NAALADL2: variants seen among roughly 807,000 people sequenced by gnomAD.
The protein encoded by NAALADL2 is inactive N-acetylated-alpha-linked acidic dipeptidase-like protein 2.
A neutral mutation model predicts 87.2 loss-of-function variants in NAALADL2; 76 were observed. That is an observed-to-expected ratio of 0.87 (90% CI 0.72 to 1.05). The LOEUF (loss-of-function observed/expected upper bound fraction) is 1.05, where lower values mean the gene tolerates loss of function less well. Ranked by LOEUF, NAALADL2 falls within the 50% of genes least tolerant of loss-of-function variation. NAALADL2 has a pLI of 0.00. For missense variants in NAALADL2, 1,089 were observed against 945.8 expected, an observed-to-expected ratio of 1.15 and a Z score of -1.99; for synonymous variants, 354 against 331.0, an observed-to-expected ratio of 1.07 and a Z score of -0.75.
chr3:174,753,240 A>AT (rs964195731), intron 3 of NAALADL2, among the ~76,000 whole-genome samples: 5 of 151,876 alleles, frequency 3.3e-5, no homozygotes, highest in African/African-American at 9.7e-5. Context: ...TGCCTGGCTA[A>AT]TTTTTTTGTA....
At chr3:174,843,587 C>T (rs1420166073) in intron 3 of NAALADL2, among the ~76,000 whole-genome samples, 1 of 152,100 alleles carries the variant, frequency 6.6e-6, no homozygotes, top group Non-Finnish European at 1.5e-5. Flanking sequence ...TATGGTAATT[C>T]TATTTTTAAT....
intron 11 of NAALADL2, among the ~76,000 whole-genome samples, chr3:175,692,856 T>C (rs557186502): frequency 6.2e-4 from 94 of 152,290 alleles, no homozygotes; most frequent in Middle Eastern, 3.4e-3. Flanking sequence ...AGTTTATTTT[T>C]GGAGAGGGGT....
At chr3:175,073,066 A>G (rs114140417) in intron 1 of NAALADL2, among the ~76,000 whole-genome samples, 2,140 of 152,102 alleles carry the variant, frequency 0.014, 49 homozygotes, top group African/African-American at 0.049. Context: ...TACTGTTTAG[A>G]GTGTGCCAGC....
intron 2 of NAALADL2, among the ~76,000 whole-genome samples, chr3:174,703,224 C>T (rs1050222512): frequency 2.0e-5 from 3 of 151,254 alleles, no homozygotes; most frequent in Non-Finnish European, 2.9e-5. Context: ...ATTGTAGCTT[C>T]GGCCTGCTGG....
chr3:175,785,998 A>G (rs1278589576), intron 13 of NAALADL2, among the ~76,000 whole-genome samples: 2 of 151,996 alleles, frequency 1.3e-5, no homozygotes, highest in Non-Finnish European at 2.9e-5. Flanking sequence ...TTCTGGGTTG[A>G]AAATTCTTTT....
intron 1 of NAALADL2, among the ~76,000 whole-genome samples, chr3:174,478,193 A>G (rs1358122186): frequency 6.6e-6 from 1 of 152,140 alleles, no homozygotes; most frequent in Non-Finnish European, 1.5e-5. Context: ...TTAGAAGGAA[A>G]TATTTGTCTC....
Position 175,044,586 on chromosome 3 carries a change from C to T in NAALADL2, c.44-52204C>T, listed in dbSNP as rs533409964. On this transcript the variant is annotated intron_variant, in intron 1 of 13. Coordinates refer to ENST00000454872, the MANE Select transcript of NAALADL2 (RefSeq NM_207015.3). Reference sequence around the variant, plus strand: ...AAACATTCATGTTCATACATATAATCTTCTGTCACTTCAGGTATTTTTTAT... The same window carrying T: ...AAACATTCATGTTCATACATATAATTTTCTGTCACTTCAGGTATTTTTTAT... Among the ~76,000 whole-genome samples, 12 of 152,188 alleles carry T rather than the reference C, an allele frequency of 7.9e-5. No individual in the cohort carries two copies. In the South Asian group the frequency reaches 2.5e-3, roughly 32 times the overall value.
chr3:175,539,503 A>T (rs1460083129), intron 9 of NAALADL2, among the ~76,000 whole-genome samples: 5 of 151,338 alleles, frequency 3.3e-5, no homozygotes, highest in South Asian at 4.2e-4. Context: ...TTTATTTTAA[A>T]TTTTTTTTTA....
chr3:174,994,627 A>G (rs116159375), intron 1 of NAALADL2, among the ~76,000 whole-genome samples: 1 of 152,274 alleles, frequency 6.6e-6, no homozygotes, highest in African/African-American at 2.4e-5. Flanking sequence ...ACAGAGTGTA[A>G]TAAAATTCAA....
chr3:175,082,551 G>A (rs1020049665), intron 1 of NAALADL2, among the ~76,000 whole-genome samples: 6 of 152,150 alleles, frequency 3.9e-5, no homozygotes, highest in Non-Finnish European at 7.4e-5. Flanking sequence ...CAGGAGGAAG[G>A]CAGACAGGGA....
chr3:175,585,335 G>T (rs1030668881), intron 10 of NAALADL2, among the ~76,000 whole-genome samples: 1 of 151,982 alleles, frequency 6.6e-6, no homozygotes, highest in African/African-American at 2.4e-5. Context: ...TGTTATGCAG[G>T]ACGTGACTGG....
chr3:175,586,465 A>G (rs1395001355), intron 10 of NAALADL2, among the ~76,000 whole-genome samples: 1 of 152,186 alleles, frequency 6.6e-6, no homozygotes, highest in Non-Finnish European at 1.5e-5. Context: ...AATGGATGGA[A>G]ATAATGCTGA....
chr3:175,286,990 T>TGGGGGGGGGGGGGGGGGGG (rs1755053988), intron 4 of NAALADL2, among the ~76,000 whole-genome samples: 1 of 67,344 alleles, frequency 1.5e-5, no homozygotes. Context: ...GGTGGAGGGG[T>TGGGGGGGGGGGGGGGGGGG]GTGGGGATGG....
At chr3:174,686,390 A>G (rs543095632) in intron 2 of NAALADL2, among the ~76,000 whole-genome samples, 1 of 152,064 alleles carries the variant, frequency 6.6e-6, no homozygotes, top group African/African-American at 2.4e-5. Context: ...TTGACTTTGT[A>G]ATAGCCATTC....
chr3:174,756,511 A>G lies in NAALADL2; in HGVS notation c.-9+18765A>G, dbSNP rs192313698. On this transcript the variant is annotated intron_variant, in intron 3 of 3. Coordinates refer to the NAALADL2 transcript ENST00000434257. ...GGCTTTAAAAAAATTTCTGCAAAGC[A>G]TGCTGCCAAATAGTATTAAGTTATT... 5.0e-3 allele frequency among the ~76,000 whole-genome samples: 757 copies of G among 152,372 alleles called. 5 individuals carry two copies. The highest frequency in any genetic ancestry group is 0.012 in the South Asian group (59 of 4,834).
chr3:175,019,224 G>C (rs767898195), intron 1 of NAALADL2, among the ~76,000 whole-genome samples: 18 of 151,958 alleles, frequency 1.2e-4, no homozygotes, highest in Non-Finnish European at 2.4e-4. Context: ...TTGCCCCAAA[G>C]TTCATACTTG....
At chr3:175,475,047 A>ACACACACT (rs1725490096) in intron 9 of NAALADL2, among the ~76,000 whole-genome samples, 1 of 149,838 alleles carries the variant, frequency 6.7e-6, no homozygotes, top group African/African-American at 2.5e-5. Context: ...ACACACACAC[A>ACACACACT]CTTAGTATTG....
intron 3 of NAALADL2, among the ~76,000 whole-genome samples, chr3:174,834,634 A>G (rs1425894284): frequency 6.6e-6 from 1 of 151,962 alleles, no homozygotes; most frequent in Non-Finnish European, 1.5e-5. Context: ...TAAAAAGTCA[A>G]TTGTATCTTA....
chr3:175,006,493 C>T (rs985931468), intron 1 of NAALADL2, among the ~76,000 whole-genome samples: 2 of 152,090 alleles, frequency 1.3e-5, no homozygotes, highest in Non-Finnish European at 2.9e-5. Flanking sequence ...CAAAGTTATG[C>T]AGAATGTTGT....
Sources: allele counts gnomAD v4.1 joint callset (sites outside exome capture counted in the v4.1 genomes callset), GRCh38; gene constraint gnomAD v4.1.1; transcripts MANE v1.5; gene names NCBI Gene and HGNC (gene_info 2026-07-23, HGNC 2026-07-21).